Variants in ATXN10 observed in about 807,000 individuals in gnomAD.
The protein encoded by ATXN10 is ataxin-10.
A neutral mutation model predicts 52.9 loss-of-function variants in ATXN10; 28 were observed. The ratio of observed to expected loss-of-function variants is 0.53; its 90% CI spans 0.39 to 0.73. The LOEUF (loss-of-function observed/expected upper bound fraction) is 0.73, where lower values mean the gene tolerates loss of function less well. Among genes scored for constraint, ATXN10 ranks in the 30% least tolerant of loss-of-function variants. The pLI is 0.00. For synonymous variants in ATXN10, 226 were observed against 221.5 expected (o/e 1.02, Z -0.18); for missense variants, 565 against 577.0 (o/e 0.98, Z 0.21).
chr22:45,708,926 A>G lies in ATXN10; in HGVS notation c.647+6079A>G, dbSNP rs1340818047. 1.3e-5 allele frequency among the ~76,000 whole-genome samples: 2 copies of G among 152,218 alleles called. No individual in the cohort carries two copies. The highest frequency in any genetic ancestry group is 2.9e-5 in the Non-Finnish European group (2 of 68,036). ...AGTGCTGGGATTACAGGCATGAGCC[A>G]CCGTGCCCACCTAAACTTTTATTAA... is the stretch of plus-strand genomic sequence containing the variant. On this transcript the variant is annotated intron_variant, in intron 5 of 11. Transcript: ENST00000252934. This position sits in a 1 kb window ranked among gnomAD's most constrained non-coding sequence, Gnocchi z 5.3.
chr22:45,741,917 T>G (rs891752910), intron 9 of ATXN10, among the ~76,000 whole-genome samples: 1 of 152,094 alleles, frequency 6.6e-6, no homozygotes, highest in Non-Finnish European at 1.5e-5. Context: ...TTACAAAATC[T>G]TCCGTCTTTC....
chr22:45,722,835 T>C (rs1372093638), intron 6 of ATXN10, among the ~76,000 whole-genome samples: 1 of 152,188 alleles, frequency 6.6e-6, no homozygotes, highest in Non-Finnish European at 1.5e-5. Context: ...ATCTGCACTA[T>C]TGTTCGTTTT....
intron 9 of ATXN10, among the ~76,000 whole-genome samples, chr22:45,761,209 C>G (rs939682103): frequency 2.8e-4 from 43 of 152,154 alleles, no homozygotes; most frequent in African/African-American, 9.9e-4. Flanking sequence ...CAACCTCCAC[C>G]TCCCAGGTTC....
rs1338570045 is a variant in ATXN10, at chr22:45,688,534, T to C, written c.117-1178T>C. The stretch of plus-strand genomic sequence containing the variant: ...TCTGTTCGTAAGATAAAAACACACA[T>C]CACTTGGTGTATAAGAAGCCATGGT... On this transcript the variant is annotated intron_variant, in intron 1 of 11. Coordinates refer to ENST00000252934, the MANE Select transcript of ATXN10 (RefSeq NM_013236.4). This position sits in a 1 kb window ranked among gnomAD's most constrained non-coding sequence, Gnocchi z 4.0. 1.3e-5 allele frequency among the ~76,000 whole-genome samples: 2 copies of C among 152,120 alleles called. No homozygotes were observed. The highest frequency in any genetic ancestry group is 2.9e-5 in the Non-Finnish European group (2 of 68,022).
chr22:45,758,677 C>A (rs1410813681), intron 9 of ATXN10, among the ~76,000 whole-genome samples: 3 of 152,252 alleles, frequency 2.0e-5, no homozygotes, highest in Non-Finnish European at 4.4e-5. Flanking sequence ...TGTTTGCACA[C>A]GCACATGTGC....
At chr22:45,672,377 G>A (rs892568401) in intron 1 of ATXN10, 198 bp downstream of exon 1, 4 of 451,372 alleles carry the variant, frequency 8.9e-6, no homozygotes, top group Non-Finnish European at 1.3e-5. Flanking sequence ...CGCGGGGCCT[G>A]GGGCGGGCGC....
chr22:45,725,937 T>C (rs1278965292), intron 6 of ATXN10, among the ~76,000 whole-genome samples: 1 of 152,232 alleles, frequency 6.6e-6, no homozygotes, highest in African/African-American at 2.4e-5. Flanking sequence ...TTTTTAATTC[T>C]GTTTATGTGA....
chr22:45,827,968 A>C (rs1384980042), intron 10 of ATXN10, among the ~76,000 whole-genome samples: 1 of 152,246 alleles, frequency 6.6e-6, no homozygotes, highest in African/African-American at 2.4e-5. Flanking sequence ...AAATAGAACT[A>C]AAACTGGACT....
At chr22:45,746,168 T>C (rs1385143905) in intron 9 of ATXN10, among the ~76,000 whole-genome samples, 2 of 151,946 alleles carry the variant, frequency 1.3e-5, no homozygotes, top group African/African-American at 2.4e-5. Context: ...TTTTCATTAA[T>C]CTTAAATAAA....
At chr22:45,699,491 T>A (rs1923751866) in intron 3 of ATXN10, among the ~76,000 whole-genome samples, 1 of 115,394 alleles carries the variant, frequency 8.7e-6, no homozygotes, top group African/African-American at 3.7e-5. Context: ...TTTTCTTTCC[T>A]TTTTTTTTTT....
intron 10 of ATXN10, among the ~76,000 whole-genome samples, chr22:45,809,892 G>GT (rs909145147): frequency 6.6e-6 from 1 of 151,818 alleles, no homozygotes; most frequent in Non-Finnish European, 1.5e-5. Context: ...TTTCTTTATA[G>GT]TTTCTTTTGA....
chr22:45,672,076 A>T lies in ATXN10; in HGVS notation c.13A>T (p.Arg5Trp). Residue 5 changes from arginine to tryptophan, a missense_variant, in exon 1 of 12, where the codon AGG becomes TGG. By Grantham distance (101) the Arg-to-Trp change is moderately radical. Transcript: ENST00000252934. ...TGTGAGCGGCAAGATGGCGGCGCCC[A>T]GGCCGCCGCCTGCCAGGCTGTCGGG... MAAPRPPPARLSGVM... is the reference protein window; with the variant it reads MAAPWPPPARLSGVM... 6.5e-7 allele frequency: 1 copy of T among 1,537,166 alleles called. No homozygotes were observed. Among genetic ancestry groups the T allele is most frequent in the Non-Finnish European group, 8.7e-7 (1 of 1,145,040 alleles).
intron 3 of ATXN10, among the ~76,000 whole-genome samples, chr22:45,698,927 A>G (rs1014353595): frequency 6.6e-6 from 1 of 152,192 alleles, no homozygotes; most frequent in South Asian, 2.1e-4. Context: ...CTCTGTGAGA[A>G]CTTTATTCTA....
At chr22:45,810,562 T>G (rs1392011977) in intron 10 of ATXN10, among the ~76,000 whole-genome samples, 2 of 152,238 alleles carry the variant, frequency 1.3e-5, no homozygotes, top group Non-Finnish European at 2.9e-5. Context: ...GAAATTGCAT[T>G]GACTGAAATG....
chr22:45,838,364 C>A (rs1304436795), intron 10 of ATXN10, among the ~76,000 whole-genome samples: 1 of 152,126 alleles, frequency 6.6e-6, no homozygotes, highest in Non-Finnish European at 1.5e-5. Flanking sequence ...GGGTCAAGAC[C>A]CCAGAGCCCC....
In ATXN10 at chr22:45,823,935, C is replaced by T. The variant is rs1219431717; in HGVS notation, c.1237+16913C>T. Among the ~76,000 whole-genome samples the T allele has an allele frequency of 6.6e-6, 1 of 152,194 alleles. No individual in the cohort carries two copies. The highest frequency in any genetic ancestry group is 1.5e-5 in the Non-Finnish European group (1 of 68,036). ...GTGCCCTCAGCATCTTGTGACGTGC[C>T]CTTGCTGGGTCTGTCGCTTGTACTT... On this transcript the variant is annotated intron_variant, in intron 10 of 11. Transcript: ENST00000252934. This position sits in a 1 kb window ranked among gnomAD's most constrained non-coding sequence, Gnocchi z 4.9.
intron 9 of ATXN10, among the ~76,000 whole-genome samples, chr22:45,773,857 T>G (rs73889611): frequency 0.021 from 3,196 of 152,304 alleles, 122 homozygotes; most frequent in African/African-American, 0.073. Flanking sequence ...TTTGTTTGTT[T>G]GTTTGTTTTA....
At chr22:45,746,806 C>T (rs1925747948) in intron 9 of ATXN10, among the ~76,000 whole-genome samples, 1 of 152,198 alleles carries the variant, frequency 6.6e-6, no homozygotes. Flanking sequence ...GACTTACACT[C>T]TACCTATAAT....
intron 9 of ATXN10, among the ~76,000 whole-genome samples, chr22:45,791,655 A>G (rs921734725): frequency 6.6e-6 from 1 of 152,182 alleles, no homozygotes; most frequent in Admixed American, 6.5e-5. Context: ...TTATTGTAGC[A>G]TCTTTGATTT....
Sources: gnomAD v4.1 joint callset for allele counts (sites outside exome capture counted in the v4.1 genomes callset) on GRCh38, gnomAD v4.1.1 for gene constraint, Gnocchi (gnomAD v3.1) non-coding constraint, MANE v1.5 for transcripts, NCBI Gene and HGNC (gene_info 2026-07-23, HGNC 2026-07-21) for gene names.